The following CSMD1 variants were observed in gnomAD, a reference collection of about 807,000 sequenced individuals.
CSMD1 encodes CUB and sushi domain-containing protein 1.
A neutral mutation model predicts 417.5 loss-of-function variants in CSMD1; 213 were observed. The observed-to-expected ratio is 0.51, with a 90% CI of 0.46 to 0.57. The LOEUF (loss-of-function observed/expected upper bound fraction) is 0.57. Ranked by LOEUF, CSMD1 falls within the 20% of genes least tolerant of loss-of-function variation. CSMD1 has a pLI of 0.00. For missense variants in CSMD1, 6,923 were observed against 4,529.7 expected (o/e 1.53, Z -15.17); for synonymous variants, 2,862 against 1,736.8 (o/e 1.65, Z -16.11).
intron 2 of CSMD1, among the ~76,000 whole-genome samples, chr8:4,581,183 A>G (rs1761684808): frequency 6.6e-6 from 1 of 152,254 alleles, no homozygotes; most frequent in African/African-American, 2.4e-5. Flanking sequence ...TTTAGAATTT[A>G]GTTGACTTGT....
intron 26 of CSMD1, among the ~76,000 whole-genome samples, chr8:3,273,244 G>C (rs893105082): frequency 2.6e-5 from 4 of 151,584 alleles, no homozygotes; most frequent in South Asian, 2.1e-4. Context: ...TTATAGATTT[G>C]CGTATATTGA....
At chr8:3,400,119 T>C (rs1811948350) in intron 15 of CSMD1, among the ~76,000 whole-genome samples, 1 of 152,190 alleles carries the variant, frequency 6.6e-6, no homozygotes, top group Admixed American at 6.5e-5. Flanking sequence ...GATTTGTAAT[T>C]GCAAAGGAGA....
At chr8:4,315,264 T>G (rs565359176) in intron 3 of CSMD1, among the ~76,000 whole-genome samples, 5 of 152,050 alleles carry the variant, frequency 3.3e-5, no homozygotes, top group Admixed American at 2.0e-4. Context: ...TGAGGTAGGG[T>G]TTATGAAAAC....
At chr8:3,446,590 G>C (rs777338836) in intron 12 of CSMD1, among the ~76,000 whole-genome samples, 1 of 152,178 alleles carries the variant, frequency 6.6e-6, no homozygotes, top group South Asian at 2.1e-4. Flanking sequence ...CGGGTAAACA[G>C]ATTCTCCTAA....
intron 5 of CSMD1, among the ~76,000 whole-genome samples, chr8:3,807,887 C>A (rs541876915): frequency 1.3e-5 from 2 of 152,070 alleles, no homozygotes; most frequent in African/African-American, 4.8e-5. Context: ...AAAAGCAATC[C>A]CCTTCTTGCC....
At chr8:3,365,504 C>A (rs1048089879) in intron 20 of CSMD1, among the ~76,000 whole-genome samples, 4 of 152,128 alleles carry the variant, frequency 2.6e-5, no homozygotes, top group African/African-American at 7.2e-5. Flanking sequence ...CTACTTGAAT[C>A]CATTTATACA....
intron 3 of CSMD1, among the ~76,000 whole-genome samples, chr8:4,412,931 C>T (rs932846600): frequency 3.3e-5 from 5 of 151,798 alleles, no homozygotes; most frequent in Admixed American, 6.5e-5. Flanking sequence ...GAAAAGTTGA[C>T]GCCTCAGGTT....
At chr8:4,542,200 T>C (rs1369884975) in intron 2 of CSMD1, among the ~76,000 whole-genome samples, 1 of 152,120 alleles carries the variant, frequency 6.6e-6, no homozygotes, top group African/African-American at 2.4e-5. Context: ...ACTTTCTGAA[T>C]AAAAATATGG....
At chr8:3,248,523 C>CGT in intron 26 of CSMD1, among the ~76,000 whole-genome samples, 1 of 85,982 alleles carries the variant, frequency 1.2e-5, no homozygotes, top group South Asian at 4.8e-4. Context: ...AATTCCCTCC[C>CGT]TTTTTTTTTT....
intron 2 of CSMD1, among the ~76,000 whole-genome samples, chr8:4,575,884 T>C (rs888233838): frequency 1.3e-5 from 2 of 152,168 alleles, no homozygotes; most frequent in Non-Finnish European, 2.9e-5. Context: ...CTGTCATTCA[T>C]TCCCCGTGTT....
At chr8:3,884,883 A>C (rs1806450306) in intron 5 of CSMD1, among the ~76,000 whole-genome samples, 1 of 150,458 alleles carries the variant, frequency 6.6e-6, no homozygotes, top group Non-Finnish European at 1.5e-5. Context: ...TACCATAAAA[A>C]TTATAACTTT....
intron 3 of CSMD1, among the ~76,000 whole-genome samples, chr8:4,417,816 G>T (rs1032233783): frequency 6.6e-6 from 1 of 151,918 alleles, no homozygotes; most frequent in Non-Finnish European, 1.5e-5. Flanking sequence ...ACAAATTGGT[G>T]TATTTGCTTA....
intron 2 of CSMD1, among the ~76,000 whole-genome samples, chr8:4,462,654 T>C (rs1360269608): frequency 1.3e-5 from 2 of 152,172 alleles, no homozygotes; most frequent in Admixed American, 1.3e-4. Context: ...ATTAATGAAA[T>C]AAAATTCACG....
intron 26 of CSMD1, among the ~76,000 whole-genome samples, chr8:3,283,731 C>G (rs1370809931): frequency 6.6e-6 from 1 of 152,186 alleles, no homozygotes; most frequent in Non-Finnish European, 1.5e-5. Context: ...GACATAGACA[C>G]ACAGGGAAGA....
intron 8 of CSMD1, among the ~76,000 whole-genome samples, chr8:3,605,164 G>T (rs563464048): frequency 6.6e-6 from 1 of 152,250 alleles, no homozygotes; most frequent in Admixed American, 6.5e-5. Flanking sequence ...GCTAATTTTT[G>T]TATTTTTAGT....
chr8:4,470,380 C>G (rs1002547865), intron 2 of CSMD1, among the ~76,000 whole-genome samples: 1 of 152,312 alleles, frequency 6.6e-6, no homozygotes, highest in South Asian at 2.1e-4. Flanking sequence ...TCTCTTCCCT[C>G]TTATTTTTAT....
At chr8:4,384,396 T>C (rs1225805914) in intron 3 of CSMD1, among the ~76,000 whole-genome samples, 1 of 152,180 alleles carries the variant, frequency 6.6e-6, no homozygotes, top group Non-Finnish European at 1.5e-5. Flanking sequence ...TATTAAATAC[T>C]TTTGGAAAAT....
chr8:4,379,098 G>A (rs1235408881), intron 3 of CSMD1, among the ~76,000 whole-genome samples: 3 of 152,140 alleles, frequency 2.0e-5, no homozygotes, highest in Non-Finnish European at 2.9e-5. Context: ...ACCTTACCAA[G>A]TAATTAATGT....
At chr8:3,543,119 C>G (rs1207557829) in intron 10 of CSMD1, among the ~76,000 whole-genome samples, 6 of 152,250 alleles carry the variant, frequency 3.9e-5, no homozygotes, top group Middle Eastern at 3.4e-3. Context: ...TCTGTGCATC[C>G]TGAAGGATGA....
Sources: gnomAD v4.1 joint callset for allele counts (sites outside exome capture counted in the v4.1 genomes callset) on GRCh38, gnomAD v4.1.1 for gene constraint, MANE v1.5 for transcripts, NCBI Gene and HGNC (gene_info 2026-07-23, HGNC 2026-07-21) for gene names.